TOX2: variants seen among roughly 807,000 people sequenced by gnomAD.
TOX2 encodes granulosa cell HMG box 1.
Under a neutral mutation model 47.4 loss-of-function variants are expected in TOX2, and 15 were observed. That is an observed-to-expected ratio of 0.32 (90% confidence interval 0.21 to 0.49). The LOEUF is 0.49. TOX2 is among the 20% of genes least tolerant of loss of function. The probability of loss-of-function intolerance (pLI) is 0.99; values close to 1 mark genes in which losing one functional copy is unlikely to be tolerated. For synonymous variants in TOX2, 290 were observed against 296.6 expected, an observed-to-expected ratio of 0.98 and a Z score of 0.23; for missense variants, 622 against 673.1, an observed-to-expected ratio of 0.92 and a Z score of 0.84.
intron 2 of TOX2, among the ~76,000 whole-genome samples, chr20:43,973,977 GC>G (rs1328907767): frequency 6.6e-6 from 1 of 152,170 alleles, no homozygotes; most frequent in Non-Finnish European, 1.5e-5. Context: ...CCCCAGCCTG[GC>G]CCTCTGGGGG....
chr20:44,038,112 A>C (rs1023389563), intron 3 of TOX2, among the ~76,000 whole-genome samples: 2 of 152,356 alleles, frequency 1.3e-5, no homozygotes, highest in Middle Eastern at 3.4e-3. Flanking sequence ...ATTAACGAGA[A>C]GTGCTGGGTG....
chr20:43,977,246 G>C (rs757336819), intron 2 of TOX2, among the ~76,000 whole-genome samples: 1 of 152,078 alleles, frequency 6.6e-6, no homozygotes, highest in Non-Finnish European at 1.5e-5. Flanking sequence ...GGGATTACAG[G>C]TGCCTGCCAC....
chr20:44,040,544 C>G (rs2071314856), intron 3 of TOX2, among the ~76,000 whole-genome samples: 5 of 152,180 alleles, frequency 3.3e-5, no homozygotes, highest in Admixed American at 1.3e-4. Context: ...TGATTATGGG[C>G]AAGTCTCTTG....
At chr20:44,014,003 GC>G (rs2070827941) in intron 3 of TOX2, among the ~76,000 whole-genome samples, 1 of 151,890 alleles carries the variant, frequency 6.6e-6, no homozygotes, top group Non-Finnish European at 1.5e-5. Flanking sequence ...AGTGGCTTGC[GC>G]CTGTGGTCCT....
chr20:44,047,344 T>C (rs796826253), intron 3 of TOX2, among the ~76,000 whole-genome samples: 69 of 152,314 alleles, frequency 4.5e-4, no homozygotes, highest in African/African-American at 1.6e-3. Context: ...CTGCCCTAGA[T>C]GTTTCTGTTA....
chr20:43,928,154 G>A (rs1197542712), intron 1 of TOX2, among the ~76,000 whole-genome samples: 1 of 152,232 alleles, frequency 6.6e-6, no homozygotes, highest in African/African-American at 2.4e-5. Flanking sequence ...GGTGCTGAGA[G>A]TGTCAAGATG....
Position 44,054,426 on chromosome 20 carries a change from C to T in TOX2, c.779C>T (p.Thr260Ile). ...VSAYALFFRD[T>I]QAAIKGQNPS... ...GCCTACGCACTCTTCTTCAGAGACA[C>T]TCAGGCCGCCATCAAGGGTCAGAAC... Residue 260 changes from threonine to isoleucine, a missense_variant, in exon 5 of 9, where the codon ACT (threonine) becomes ATT (isoleucine). Physicochemically the swap from Thr to Ile is moderately conservative, Grantham distance 89. This residue lies in a region of TOX2 where 21 missense variants were observed against 45.8 expected (regional missense o/e 0.46). Transcript: ENST00000341197. 2 of 1,613,232 alleles carry T rather than the reference C, an allele frequency of 1.2e-6. No homozygotes were observed. The highest frequency in any genetic ancestry group is 8.5e-7 in the Non-Finnish European group (1 of 1,179,602).
intron 3 of TOX2, among the ~76,000 whole-genome samples, chr20:44,033,545 A>G (rs2071189178): frequency 6.6e-6 from 1 of 152,190 alleles, no homozygotes; most frequent in Non-Finnish European, 1.5e-5. Context: ...TCAATGATGT[A>G]ATTTCAGAAG....
intron 3 of TOX2, among the ~76,000 whole-genome samples, chr20:44,040,976 G>A (rs2071322844): frequency 6.6e-6 from 1 of 152,196 alleles, no homozygotes; most frequent in South Asian, 2.1e-4. Flanking sequence ...AACTGATGGA[G>A]GTGGGGGCTG....
chr20:44,064,796 A>C lies in TOX2; in HGVS notation c.899A>C (p.Glu300Ala). The change falls in exon 6 of 9, where the codon GAA (glutamate) becomes GCA (alanine). Residue 300 changes from glutamate (E) to alanine (A), a missense_variant. Coordinates refer to ENST00000341197, the MANE Select transcript of TOX2 (RefSeq NM_001098797.2). ...TTCCAGGCCTACAAGAGGAAGACAG[A>C]AGCAGCAAAGAAGGAATATCTGAAG... ...EQKQAYKRKT[E>A]AAKKEYLKAL... is the part of the protein sequence containing the mutation. 5 of 1,614,208 alleles carry C rather than the reference A, an allele frequency of 3.1e-6. No individual in the cohort carries two copies. The highest frequency in any genetic ancestry group is 4.2e-6 in the Non-Finnish European group (5 of 1,180,030).
At chr20:44,012,777 C>T (rs2145622318) in intron 3 of TOX2, among the ~76,000 whole-genome samples, 1 of 152,334 alleles carries the variant, frequency 6.6e-6, no homozygotes. Flanking sequence ...CAATAGTCCT[C>T]CCACTACCAA....
At chr20:43,945,786 T>G (rs1264955519) in intron 1 of TOX2, 1 of 1,365,222 alleles carries the variant, frequency 7.3e-7, no homozygotes, top group Non-Finnish European at 1.0e-6. Context: ...GGTTTTTCCA[T>G]TTCACCTTAT....
chr20:44,039,757 G>A (rs910712000), intron 3 of TOX2, among the ~76,000 whole-genome samples: 4 of 151,548 alleles, frequency 2.6e-5, no homozygotes, highest in South Asian at 4.1e-4. Flanking sequence ...AGTCAGAATC[G>A]TCCCACTGAG....
intron 2 of TOX2, among the ~76,000 whole-genome samples, chr20:44,006,323 G>A (rs1193969080): frequency 6.6e-6 from 1 of 152,206 alleles, no homozygotes; most frequent in Non-Finnish European, 1.5e-5. Flanking sequence ...GCAGGCTTCT[G>A]TGTGCAGAGC....
chr20:43,929,121 T>C (rs1226834635), intron 1 of TOX2, among the ~76,000 whole-genome samples: 1 of 151,960 alleles, frequency 6.6e-6, no homozygotes, highest in Non-Finnish European at 1.5e-5. Flanking sequence ...ATCATTCCAC[T>C]GCACTCCAAT....
chr20:43,981,496 T>TTG (rs1376188950), intron 2 of TOX2, among the ~76,000 whole-genome samples: 1 of 152,212 alleles, frequency 6.6e-6, no homozygotes, highest in Non-Finnish European at 1.5e-5. Context: ...GCTTTGCGCG[T>TTG]TGTACATGCA....
chr20:43,930,969 A>G lies in TOX2; in HGVS notation c.99+15979A>G, dbSNP rs889396428. 3.9e-5 allele frequency among the ~76,000 whole-genome samples: 6 copies of G among 151,966 alleles called. No homozygotes were observed. In the South Asian group the frequency reaches 8.3e-4, roughly 21 times the overall value. ...TACCTATTCCTGATGTTTATTGTTT[A>G]TGTCCTTCTCTCCTCCCTCCTCTAT... On this transcript the variant is annotated intron_variant, in intron 1 of 8. Transcript: ENST00000341197.
At chr20:44,034,504 T>G (rs1179754197) in intron 3 of TOX2, among the ~76,000 whole-genome samples, 2 of 152,132 alleles carry the variant, frequency 1.3e-5, no homozygotes, top group Non-Finnish European at 2.9e-5. Flanking sequence ...TGGGAGGTCT[T>G]GAGAAGTGAA....
intron 3 of TOX2, among the ~76,000 whole-genome samples, chr20:44,049,854 G>C (rs2145746478): frequency 6.6e-6 from 1 of 152,322 alleles, no homozygotes; most frequent in East Asian, 1.9e-4. Context: ...AGTACTTCAT[G>C]ATAGGTATGT....
Sources: gnomAD v4.1 joint callset for allele counts (sites outside exome capture counted in the v4.1 genomes callset) on GRCh38, gnomAD v4.1.1 for gene constraint, gnomAD v4.1.1 regional missense constraint, MANE v1.5 for transcripts, NCBI Gene and HGNC (gene_info 2026-07-23, HGNC 2026-07-21) for gene names.